Variants in LRFN5 observed in about 807,000 individuals in gnomAD.
LRFN5 encodes leucine-rich repeat and fibronectin type-III domain-containing protein 5.
Under a neutral mutation model 45.6 loss-of-function variants are expected in LRFN5, and 24 were observed. The ratio of observed to expected loss-of-function variants is 0.53; its 90% CI spans 0.38 to 0.74. The LOEUF (loss-of-function observed/expected upper bound fraction) is 0.74. LRFN5 is among the 30% of genes least tolerant of loss of function. LRFN5 has a pLI of 0.00. For synonymous variants in LRFN5, 340 were observed against 313.8 expected (o/e 1.08, Z -0.88); for missense variants, 776 against 861.5 (o/e 0.90, Z 1.24).
intron 1 of LRFN5, among the ~76,000 whole-genome samples, chr14:41,640,092 G>T (rs975972088): frequency 6.6e-6 from 1 of 150,760 alleles, no homozygotes; most frequent in Non-Finnish European, 1.5e-5. Context: ...GAGTCACTAT[G>T]CCCAGCCCAT....
At chr14:41,773,897 T>A (rs1033116180) in intron 2 of LRFN5, among the ~76,000 whole-genome samples, 1 of 152,074 alleles carries the variant, frequency 6.6e-6, no homozygotes, top group African/African-American at 2.4e-5. Flanking sequence ...CAATGCAGAG[T>A]CTTTCTGAAA....
chr14:41,719,421 A>G (rs568530389), intron 1 of LRFN5, among the ~76,000 whole-genome samples: 19 of 142,136 alleles, frequency 1.3e-4, no homozygotes, highest in Admixed American at 4.0e-4. Context: ...GTATTTTAAT[A>G]TATGTTATAC....
At chr14:41,814,334 G>C (rs886637861) in intron 2 of LRFN5, among the ~76,000 whole-genome samples, 1 of 151,948 alleles carries the variant, frequency 6.6e-6, no homozygotes, top group Non-Finnish European at 1.5e-5. Context: ...GGTCTTAAAG[G>C]GGCTACACTT....
chr14:41,892,952 T>G (rs1890832307), intron 4 of LRFN5: 1 of 985,194 alleles, frequency 1.0e-6, no homozygotes, highest in African/African-American at 1.7e-5. Flanking sequence ...CATACAAGAC[T>G]GCCTTTATCA....
Position 41,666,927 on chromosome 14 carries a change from T to C in LRFN5, c.-197+58365T>C, listed in dbSNP as rs77428902. Among the ~76,000 whole-genome samples the C allele has an allele frequency of 2.5e-3, 374 of 152,300 alleles. 4 individuals are homozygous for C. Among genetic ancestry groups the C allele is most frequent in the South Asian group, 0.012 (60 of 4,824 alleles). On this transcript the variant is annotated intron_variant, in intron 1 of 5. Coordinates refer to ENST00000298119, the MANE Select transcript of LRFN5 (RefSeq NM_152447.5). ...TAGATTCACAATTTATTTTTGATAT[T>C]TCTTTACAAGAATAAGAACATAATG...
chr14:41,872,328 T>A (rs1411462343), intron 2 of LRFN5, among the ~76,000 whole-genome samples: 1 of 152,220 alleles, frequency 6.6e-6, no homozygotes, highest in Admixed American at 6.5e-5. Context: ...ACAAAAAGTA[T>A]CTAAAGTATC....
At chr14:41,885,927 T>C (rs1167249405) in intron 2 of LRFN5, among the ~76,000 whole-genome samples, 1 of 145,060 alleles carries the variant, frequency 6.9e-6, no homozygotes, top group Non-Finnish European at 1.5e-5. Context: ...CAAATGGTCA[T>C]CAGTAATCGC....
chr14:41,695,199 A>G (rs774932680), intron 1 of LRFN5, among the ~76,000 whole-genome samples: 5 of 151,972 alleles, frequency 3.3e-5, no homozygotes, highest in African/African-American at 4.8e-5. Flanking sequence ...TGTCAATTCT[A>G]TGAAGACTGA....
At position 41,683,988 on chromosome 14, in the gene LRFN5, A is replaced by G. The variant is rs182226260; in HGVS notation, c.-197+75426A>G. On this transcript the variant is annotated intron_variant, in intron 1 of 5. Coordinates refer to ENST00000298119, the MANE Select transcript of LRFN5 (RefSeq NM_152447.5). ...GAACCTCAGAAGACCCAGAATATCC[A>G]AAGCTGTCATGAACAGAAAGAATAA... Among the ~76,000 whole-genome samples the G allele has an allele frequency of 2.3e-4, 35 of 152,356 alleles. No individual in the cohort carries two copies. The Middle Eastern group carries it at 0.01, about 44-fold the overall frequency.
intron 2 of LRFN5, among the ~76,000 whole-genome samples, chr14:41,855,903 A>T (rs1465920594): frequency 1.3e-5 from 2 of 152,200 alleles, no homozygotes; most frequent in Non-Finnish European, 2.9e-5. Context: ...GTATACATAT[A>T]TTAGTGTATA....
chr14:41,788,555 A>T (rs186233496), intron 2 of LRFN5, among the ~76,000 whole-genome samples: 85 of 83,042 alleles, frequency 1.0e-3, no homozygotes, highest in Non-Finnish European at 2.0e-3. Flanking sequence ...AATTATGTTT[A>T]AAAAAAAAAG....
At chr14:41,876,831 CTAAA>C (rs1890205313) in intron 2 of LRFN5, among the ~76,000 whole-genome samples, 1 of 152,034 alleles carries the variant, frequency 6.6e-6, no homozygotes, top group African/African-American at 2.4e-5. Flanking sequence ...CAAACTTTGG[CTAAA>C]TAAACCTCTA....
At chr14:41,812,840 G>A (rs1007862967) in intron 2 of LRFN5, among the ~76,000 whole-genome samples, 9 of 152,204 alleles carry the variant, frequency 5.9e-5, no homozygotes, top group African/African-American at 2.2e-4. Context: ...GAACAAGGCA[G>A]TGTAAGTAAT....
chr14:41,706,863 C>T (rs537263297), intron 1 of LRFN5, among the ~76,000 whole-genome samples: 1 of 152,214 alleles, frequency 6.6e-6, no homozygotes, highest in South Asian at 2.1e-4. Context: ...TTAGCAGTGC[C>T]TATAATGGTG....
At chr14:41,824,705 C>A (rs1291330647) in intron 2 of LRFN5, among the ~76,000 whole-genome samples, 1 of 152,166 alleles carries the variant, frequency 6.6e-6, no homozygotes, top group Non-Finnish European at 1.5e-5. Flanking sequence ...TCTGTTGTCT[C>A]AGGCAGTGGG....
chr14:41,684,997 A>G (rs1239213241), intron 1 of LRFN5, among the ~76,000 whole-genome samples: 1 of 152,246 alleles, frequency 6.6e-6, no homozygotes, highest in Non-Finnish European at 1.5e-5. Flanking sequence ...AAAGTCCTGA[A>G]TAAATATTTT....
At chr14:41,609,379 T>C (rs952800750) in intron 1 of LRFN5, among the ~76,000 whole-genome samples, 1 of 152,108 alleles carries the variant, frequency 6.6e-6, no homozygotes, top group Admixed American at 6.5e-5. Flanking sequence ...TTGAATTTTT[T>C]TTTTCCGGTG....
intron 1 of LRFN5, among the ~76,000 whole-genome samples, chr14:41,739,153 A>G (rs1000489380): frequency 6.6e-6 from 1 of 152,174 alleles, no homozygotes; most frequent in Non-Finnish European, 1.5e-5. Flanking sequence ...TGGGAGGCCA[A>G]AGTGGGTGGA....
intron 1 of LRFN5, among the ~76,000 whole-genome samples, chr14:41,698,118 G>C (rs912586946): frequency 1.3e-5 from 2 of 151,850 alleles, no homozygotes; most frequent in African/African-American, 4.8e-5. Context: ...CTTAGGTGCT[G>C]GACAAATTTA....
Sources: allele counts gnomAD v4.1 joint callset (sites outside exome capture counted in the v4.1 genomes callset), GRCh38; gene constraint gnomAD v4.1.1; transcripts MANE v1.5; gene names NCBI Gene and HGNC (gene_info 2026-07-23, HGNC 2026-07-21).